Variants in LARGE1 observed in about 807,000 individuals in gnomAD.
LARGE1 encodes the protein xylosyl- and glucuronyltransferase LARGE1.
A neutral mutation model predicts 87.6 loss-of-function variants in LARGE1; 43 were observed. The observed-to-expected ratio is 0.49, with a 90% CI of 0.38 to 0.63. The LOEUF is 0.63. Ranked by LOEUF, LARGE1 falls within the 30% of genes least tolerant of loss-of-function variation. The pLI is 0.00. For missense variants in LARGE1, 802 were observed against 1,000.2 expected (o/e 0.80, Z 2.67); for synonymous variants, 434 against 394.6 (o/e 1.10, Z -1.18).
intron 11 of LARGE1, among the ~76,000 whole-genome samples, chr22:33,177,725 C>A (rs377533336): frequency 6.6e-6 from 1 of 152,162 alleles, no homozygotes; most frequent in Admixed American, 6.5e-5. Context: ...GAAACCACTT[C>A]GTGTGAAAAG....
intron 7 of LARGE1, among the ~76,000 whole-genome samples, chr22:33,421,399 A>G (rs2066692946): frequency 6.6e-6 from 1 of 152,154 alleles, no homozygotes; most frequent in Admixed American, 6.5e-5. Context: ...TCCCCAGAAT[A>G]AGGGAGCTAG....
intron 11 of LARGE1, among the ~76,000 whole-genome samples, chr22:33,249,294 T>C (rs750603922): frequency 3.3e-5 from 5 of 152,220 alleles, no homozygotes; most frequent in Non-Finnish European, 7.3e-5. Context: ...TGATGACATA[T>C]GATGTAGAGC....
intron 1 of LARGE1, among the ~76,000 whole-genome samples, chr22:33,904,133 C>T (rs1477247466): frequency 3.3e-5 from 5 of 152,134 alleles, no homozygotes; most frequent in Non-Finnish European, 7.4e-5. Flanking sequence ...TGACTTCCTC[C>T]TACCAGCTCC....
chr22:33,837,056 G>A (rs775782970), intron 1 of LARGE1, among the ~76,000 whole-genome samples: 6 of 152,112 alleles, frequency 3.9e-5, no homozygotes, highest in African/African-American at 9.7e-5. Context: ...CCTCCATGTG[G>A]GAGAGTGAGC....
chr22:33,092,108 C>T, the LARGE1 span, among the ~76,000 whole-genome samples: 37 of 152,280 alleles, frequency 2.4e-4, no homozygotes, highest in South Asian at 7.7e-3. Context: ...CCATGTTGGT[C>T]AAGCTGGTCT....
intron 12 of LARGE1, among the ~76,000 whole-genome samples, chr22:33,303,530 G>C (rs1173070511): frequency 6.6e-6 from 1 of 152,178 alleles, no homozygotes; most frequent in East Asian, 1.9e-4. Flanking sequence ...TCATCACTTA[G>C]ATTTGTTTAA....
intron 1 of LARGE1, among the ~76,000 whole-genome samples, chr22:33,841,487 A>G (rs1382999346): frequency 6.6e-6 from 1 of 152,198 alleles, no homozygotes; most frequent in East Asian, 1.9e-4. Flanking sequence ...TGCAGTAGCA[A>G]GACAGCTACT....
chr22:33,441,068 G>GA (rs1434965744), intron 6 of LARGE1, among the ~76,000 whole-genome samples: 1 of 103,660 alleles, frequency 9.6e-6, no homozygotes, highest in African/African-American at 5.3e-5. Flanking sequence ...TATTTTGTTT[G>GA]AACTTTTTTT....
downstream of LARGE1, among the ~76,000 whole-genome samples, chr22:33,270,816 T>G (rs1413497824): frequency 6.6e-6 from 1 of 152,164 alleles, no homozygotes; most frequent in African/African-American, 2.4e-5. Flanking sequence ...CCTTTCATGA[T>G]GGGGCACAAA....
At chr22:33,880,004 G>A (rs888479219) in intron 1 of LARGE1, among the ~76,000 whole-genome samples, 5 of 152,152 alleles carry the variant, frequency 3.3e-5, no homozygotes, top group African/African-American at 1.2e-4. Flanking sequence ...CCCCATGGGT[G>A]GCTTCTCCAC....
At chr22:33,156,286 A>G in the LARGE1 span, among the ~76,000 whole-genome samples, 1 of 152,180 alleles carries the variant, frequency 6.6e-6, no homozygotes, top group Non-Finnish European at 1.5e-5. Flanking sequence ...TGGAAAAACC[A>G]CAGACACTCA....
rs191538281 is a variant in LARGE1 at position 33,177,242 on chromosome 22, C to T, written c.1731-10410G>A. On this transcript the variant is annotated intron_variant, in intron 11 of 11. Transcript: ENST00000608642. ...ATGGGTGCAGCAAACCCCCATGGCA[C>T]GTGTATACGTATGTAACAAACCTGC... 1.6e-3 allele frequency among the ~76,000 whole-genome samples: 242 copies of T among 152,094 alleles called. 3 individuals carry two copies. Among genetic ancestry groups the T allele is most frequent in the African/African-American group, 5.7e-3 (235 of 41,482 alleles).
chr22:33,907,534 A>G (rs758598646), intron 1 of LARGE1, among the ~76,000 whole-genome samples: 1 of 151,894 alleles, frequency 6.6e-6, no homozygotes, highest in Non-Finnish European at 1.5e-5. Context: ...CTCCACTTCA[A>G]TACTCAGCCC....
At chr22:33,463,562 T>C (rs745930076) in intron 6 of LARGE1, among the ~76,000 whole-genome samples, 2 of 152,180 alleles carry the variant, frequency 1.3e-5, no homozygotes, top group Non-Finnish European at 2.9e-5. Flanking sequence ...AAAATTGCAA[T>C]CAAAATCCCA....
intron 2 of LARGE1, among the ~76,000 whole-genome samples, chr22:33,679,366 A>G (rs774296153): frequency 3.7e-4 from 56 of 152,174 alleles, no homozygotes; most frequent in Non-Finnish European, 1.0e-4. Flanking sequence ...TGTTGAAGAC[A>G]TAACTGGTTA....
At chr22:33,222,133 G>A (rs868746574) in intron 11 of LARGE1, among the ~76,000 whole-genome samples, 1 of 152,164 alleles carries the variant, frequency 6.6e-6, no homozygotes. Flanking sequence ...GACAAGGGAA[G>A]GACTCACCAA....
At chr22:33,822,639 A>T (rs1242289143) in intron 1 of LARGE1, among the ~76,000 whole-genome samples, 1 of 152,190 alleles carries the variant, frequency 6.6e-6, no homozygotes, top group Non-Finnish European at 1.5e-5. Flanking sequence ...CGGAGGTTGC[A>T]GTGAGCCGAG....
At chr22:33,911,749 C>A (rs1243218850) in intron 1 of LARGE1, among the ~76,000 whole-genome samples, 1 of 152,218 alleles carries the variant, frequency 6.6e-6, no homozygotes, top group Non-Finnish European at 1.5e-5. Flanking sequence ...GTATTGTACT[C>A]TCCTTGCCTT....
intron 6 of LARGE1, among the ~76,000 whole-genome samples, chr22:33,515,982 A>G (rs1353747989): frequency 6.6e-6 from 1 of 152,202 alleles, no homozygotes; most frequent in Non-Finnish European, 1.5e-5. Context: ...GAGCAACGCC[A>G]CCGTGTCCAG....
Sources: gnomAD v4.1 joint callset for allele counts (sites outside exome capture counted in the v4.1 genomes callset) on GRCh38, gnomAD v4.1.1 for gene constraint, MANE v1.5 for transcripts, NCBI Gene and HGNC (gene_info 2026-07-23, HGNC 2026-07-21) for gene names.